Variants in TTLL7 observed in about 807,000 individuals in gnomAD.
TTLL7 encodes tubulin tyrosine ligase like 7.
TTLL7 carries 53 observed loss-of-function variants against 120.2 expected under a neutral mutation model. The ratio of observed to expected loss-of-function variants is 0.44; its 90% CI spans 0.35 to 0.55. The LOEUF (loss-of-function observed/expected upper bound fraction) is 0.55, where lower values mean the gene tolerates loss of function less well. TTLL7 is among the 20% of genes least tolerant of loss of function. The pLI, the probability that TTLL7 is intolerant of heterozygous loss-of-function variation, is 0.00. For missense variants in TTLL7, 803 were observed against 1,054.7 expected, an observed-to-expected ratio of 0.76 and a Z score of 3.31; for synonymous variants, 353 against 351.7, an observed-to-expected ratio of 1.00 and a Z score of -0.04.
Position 83,942,534 on chromosome 1 carries a change from T to G in TTLL7, c.652A>C (p.Ile218Leu). 6.2e-7 allele frequency: 1 copy of G among 1,614,056 alleles called. No individual in the cohort carries two copies. The highest frequency in any genetic ancestry group is 8.5e-7 in the Non-Finnish European group (1 of 1,179,952). ...ACAAGCCCATCATGGTAGAGAAATA[T>G]TTTTAGTGGATCACACGATGTAACC... ...ILVTSCDPLKIFLYHDGLVRM... is the reference protein window; with the variant it reads ...ILVTSCDPLKLFLYHDGLVRM... Residue 218 changes from isoleucine to leucine, a missense_variant, in exon 7 of 21, where the codon ATA becomes CTA. Physicochemically the swap from Ile to Leu is conservative, Grantham distance 5. Around this residue, in one of 3 missense-constraint regions of TTLL7, gnomAD observed 324 missense variants for 507.7 expected, o/e 0.64. Transcript: ENST00000260505.
intron 20 of TTLL7, among the ~76,000 whole-genome samples, chr1:83,870,953 C>A (rs1229946368): frequency 6.6e-6 from 1 of 150,856 alleles, no homozygotes; most frequent in East Asian, 1.9e-4. Flanking sequence ...GTAACCCTTG[C>A]AGCCAAATGT....
At chr1:83,965,124 T>A (rs889653393) in intron 1 of TTLL7, among the ~76,000 whole-genome samples, 12 of 133,030 alleles carry the variant, frequency 9.0e-5, no homozygotes, top group East Asian at 2.2e-4. Context: ...TATTTTTTTT[T>A]AAAATAGACT....
At chr1:83,937,531 T>C (rs1647526002) in intron 8 of TTLL7, among the ~76,000 whole-genome samples, 1 of 152,164 alleles carries the variant, frequency 6.6e-6, no homozygotes, top group African/African-American at 2.4e-5. Context: ...TACAGGTTTG[T>C]AGACTAGGAG....
intron 19 of TTLL7, among the ~76,000 whole-genome samples, chr1:83,883,552 A>C (rs1654712228): frequency 1.3e-5 from 2 of 152,014 alleles, no homozygotes; most frequent in South Asian, 4.1e-4. Flanking sequence ...CACCATGCCC[A>C]GCACTATTAG....
At chr1:83,944,959 G>A (rs897959628) in intron 6 of TTLL7, among the ~76,000 whole-genome samples, 6 of 152,090 alleles carry the variant, frequency 3.9e-5, no homozygotes, top group Admixed American at 1.3e-4. Flanking sequence ...AAATTAAGAC[G>A]ATAATGGTAA....
chr1:83,904,835 C>A (rs1657045269), intron 17 of TTLL7, among the ~76,000 whole-genome samples: 1 of 151,904 alleles, frequency 6.6e-6, no homozygotes, highest in South Asian at 2.1e-4. Context: ...TGCAAGTCTG[C>A]AAAACTTCTG....
In TTLL7 at chr1:83,865,239, G is replaced by T. The variant is rs1185871273; in HGVS notation, c.*4723C>A. 1.3e-5 allele frequency: 2 copies of T among 151,954 alleles called. No homozygotes were observed. The highest frequency in any genetic ancestry group is 4.8e-5 in the African/African-American group (2 of 41,422). The allele number at this position is 151,954 out of a possible 1,614,324, so 9.4% of individuals were successfully genotyped here. On this transcript the variant is annotated 3_prime_UTR_variant, in exon 21 of 21. Coordinates refer to ENST00000260505, the MANE Select transcript of TTLL7 (RefSeq NM_024686.6). ...TGAGTCATGATTCATGTTAGCAAAT[G>T]TATTGCTTTCAAGCTAATCCTCATA...
intron 8 of TTLL7, among the ~76,000 whole-genome samples, chr1:83,937,344 G>A (rs557849733): frequency 7.2e-5 from 11 of 151,940 alleles, no homozygotes; most frequent in Non-Finnish European, 1.5e-4. Context: ...TGGGATTACA[G>A]GAGCGCGCCA....
intron 9 of TTLL7, among the ~76,000 whole-genome samples, chr1:83,931,832 G>A (rs1010052173): frequency 6.6e-6 from 1 of 152,142 alleles, no homozygotes; most frequent in Admixed American, 6.6e-5. Flanking sequence ...CACATACCCA[G>A]AAGCACCTTC....
intron 19 of TTLL7, among the ~76,000 whole-genome samples, chr1:83,889,642 T>C (rs1229426146): frequency 6.6e-6 from 1 of 152,046 alleles, no homozygotes; most frequent in Non-Finnish European, 1.5e-5. Flanking sequence ...TCTCACACAA[T>C]AAGTAATATG....
Position 83,883,071 on chromosome 1 carries a change from C to T in TTLL7, c.2435G>A (p.Cys812Tyr). The change falls in exon 20 of 21, where the codon TGC becomes TAC. Residue 812 changes from cysteine to tyrosine, a missense_variant. By Grantham distance (194) the Cys-to-Tyr change is radical (BLOSUM62 -2). Coordinates refer to ENST00000260505, the MANE Select transcript of TTLL7 (RefSeq NM_024686.6). The stretch of plus-strand genomic sequence containing the variant: ...TTTACAAAGCTCCACTAGGCGCTGG[C>T]AACACTGGAGCTGCAAAGGAGTCAC... Reference protein sequence around the residue: ...EVVTPLQLQCCQRLVELCKQC... With the variant: ...EVVTPLQLQCYQRLVELCKQC... The T allele has an allele frequency of 6.2e-7, 1 of 1,612,502 alleles. No individual in the cohort carries two copies. Among genetic ancestry groups the T allele is most frequent in the Non-Finnish European group, 8.5e-7 (1 of 1,179,102 alleles).
At chr1:83,922,285 A>G (rs894309550) in intron 10 of TTLL7, among the ~76,000 whole-genome samples, 1 of 152,198 alleles carries the variant, frequency 6.6e-6, no homozygotes, top group Non-Finnish European at 1.5e-5. Context: ...TATTGTCATT[A>G]GGCTGGTAGG....
chr1:83,985,782 A>G (rs1180808667), intron 1 of TTLL7, among the ~76,000 whole-genome samples: 2 of 152,290 alleles, frequency 1.3e-5, no homozygotes, highest in East Asian at 3.9e-4. Context: ...ATTATGAATA[A>G]CTTTACTGTT....
At chr1:83,906,299 C>T (rs1205422919) in intron 17 of TTLL7, 30 bp downstream of exon 17, 7 of 1,575,340 alleles carry the variant, frequency 4.4e-6, no homozygotes, top group South Asian at 2.3e-5. Context: ...GTACCAGCTC[C>T]TTGGCATTTT....
chr1:83,875,789 C>T (rs1192196842), intron 20 of TTLL7, among the ~76,000 whole-genome samples: 1 of 151,722 alleles, frequency 6.6e-6, no homozygotes, highest in African/African-American at 2.4e-5. Context: ...GTGTGGTCTG[C>T]TTTTTTCTTT....
At chr1:83,880,896 T>C (rs1317217129) in intron 20 of TTLL7, among the ~76,000 whole-genome samples, 2 of 151,904 alleles carry the variant, frequency 1.3e-5, no homozygotes, top group African/African-American at 2.4e-5. Flanking sequence ...AACAGAGATA[T>C]AGATCAATGG....
At chr1:83,874,570 C>T (rs1653742474) in intron 20 of TTLL7, among the ~76,000 whole-genome samples, 2 of 152,038 alleles carry the variant, frequency 1.3e-5, no homozygotes, top group Non-Finnish European at 2.9e-5. Context: ...ACAACTGCCA[C>T]ACAGTTTTAG....
At chr1:83,976,031 C>CTGTGTG (rs1237235472) in intron 1 of TTLL7, among the ~76,000 whole-genome samples, 1 of 64,238 alleles carries the variant, frequency 1.6e-5, no homozygotes, top group Admixed American at 2.1e-4. Flanking sequence ...TTTTGTCTCT[C>CTGTGTG]TCTGTGTGTG....
intron 20 of TTLL7, chr1:83,882,707 GAAGGTATAT>G (rs776150894): frequency 3.3e-4 from 108 of 324,078 alleles, no homozygotes; most frequent in Middle Eastern, 2.6e-3. Flanking sequence ...TTTTGAAAGT[GAAGGTATAT>G]AAGTCAAATA....
Sources: allele counts gnomAD v4.1 joint callset (sites outside exome capture counted in the v4.1 genomes callset), GRCh38; gene constraint gnomAD v4.1.1; regional missense constraint gnomAD v4.1.1; transcripts MANE v1.5; gene names NCBI Gene and HGNC (gene_info 2026-07-23, HGNC 2026-07-21).